ELN: variants seen among roughly 807,000 people sequenced by gnomAD.
The protein encoded by ELN is tropoelastin.
A neutral mutation model predicts 105.8 loss-of-function variants in ELN; 65 were observed. That is an observed-to-expected ratio of 0.61 (90% CI 0.50 to 0.75). The LOEUF is 0.75. ELN is among the 30% of genes least tolerant of loss of function. ELN has a pLI of 0.00. For synonymous variants in ELN, 368 were observed against 389.2 expected, an observed-to-expected ratio of 0.95 and a Z score of 0.64; for missense variants, 882 against 969.4, an observed-to-expected ratio of 0.91 and a Z score of 1.20.
At chr7:74,039,309 A>T (rs748245964) in intron 4 of ELN, among the ~76,000 whole-genome samples, 1 of 152,230 alleles carries the variant, frequency 6.6e-6, no homozygotes, top group Admixed American at 6.5e-5. Flanking sequence ...AAGTCAGAGC[A>T]TCTCCTTCTG....
intron 21 of ELN, 43 bp from the exon 22 acceptor site, chr7:74,057,597 G>C (rs782587986): frequency 2.5e-6 from 4 of 1,610,102 alleles, no homozygotes; most frequent in Non-Finnish European, 3.4e-6. Context: ...GCAGGGAGGG[G>C]TGTGAGAGAT....
rs782238382 is a variant in ELN, at chr7:74,065,979, G to A, written c.2068G>A (p.Gly690Arg). 1.8e-5 allele frequency: 29 copies of A among 1,613,916 alleles called. No homozygotes were observed. The highest frequency in any genetic ancestry group is 4.5e-5 in the East Asian group (2 of 44,882). Residue 690 changes from glycine (G) to arginine (R), a missense_variant, in exon 31 of 33, where the codon GGG (glycine) becomes AGG (arginine). By Grantham distance (125) the Gly-to-Arg change is moderately radical. Transcript: ENST00000252034. ...CCTTGGAGGTGTCCTAGGGGGTGCC[G>A]GGCAGTTCCCACTTGGAGGTAGGGG... Reference protein sequence around the residue: ...AGLGGVLGGAGQFPLGGVAAR... With the variant: ...AGLGGVLGGARQFPLGGVAAR...
In ELN at chr7:74,068,769, C is replaced by CT; in HGVS notation, c.*72dup. The CT allele has an allele frequency of 1.9e-6, 3 of 1,585,994 alleles. No individual in the cohort carries two copies. The South Asian group carries it at 3.3e-5, about 18-fold the overall frequency. Reference sequence around the variant, plus strand: ...TACTGCTTGGTGGAGAATGTAAACCCTTTGTAACCCCATCCCATGCCCCTC... The same window carrying CT: ...TACTGCTTGGTGGAGAATGTAAACCCTTTTGTAACCCCATCCCATGCCCCTC... On this transcript the variant is annotated 3_prime_UTR_variant, in exon 33 of 33. Coordinates refer to ENST00000252034, the MANE Select transcript of ELN (RefSeq NM_000501.4).
chr7:74,043,224 G>C, intron 8 of ELN, 56 bp downstream of exon 8: 1 of 1,552,608 alleles, frequency 6.4e-7, no homozygotes, highest in Non-Finnish European at 8.7e-7. Flanking sequence ...GCAGAGGGCA[G>C]GGAGGAACAG....
In ELN at chr7:74,060,608, G is replaced by C. The variant is rs374622225; in HGVS notation, c.1747+107G>C. ...CCCCCTCATCACCCAGGGGTGCATA[G>C]TAAAATCCTTGTTAGGTTCTCCTAA... On this transcript the variant is annotated intron_variant, in intron 25 of 32. Coordinates refer to ENST00000252034, the MANE Select transcript of ELN (RefSeq NM_000501.4). 174 of 1,583,386 alleles carry C rather than the reference G, an allele frequency of 1.1e-4. No individual in the cohort carries two copies. The highest frequency in any genetic ancestry group is 1.4e-4 in the Non-Finnish European group (167 of 1,164,418).
intron 16 of ELN, 28 bp downstream of exon 16, chr7:74,051,867 T>C (rs201087606): frequency 6.8e-6 from 11 of 1,613,988 alleles, no homozygotes; most frequent in African/African-American, 1.3e-5. Flanking sequence ...AGGGGGCGGG[T>C]GTGTCCTTGA....
At chr7:74,044,036 A>G in intron 9 of ELN, 116 bp downstream of exon 9, 1 of 1,387,974 alleles carries the variant, frequency 7.2e-7, no homozygotes, top group Non-Finnish European at 1.0e-6. Context: ...GCTTGAGGCC[A>G]GGAGTTTGAG....
chr7:74,036,681 C>T, intron 3 of ELN, 97 bp downstream of exon 3: 3 of 1,530,296 alleles, frequency 2.0e-6, no homozygotes, highest in Non-Finnish European at 2.7e-6. Context: ...GAGACCCGAG[C>T]ATCAAGGACT....
intron 32 of ELN, among the ~76,000 whole-genome samples, chr7:74,068,219 C>G (rs1219612120): frequency 2.0e-5 from 3 of 152,172 alleles, no homozygotes; most frequent in African/African-American, 7.2e-5. Flanking sequence ...TCTACTGGGC[C>G]TTGATTTACT....
At chr7:74,041,728 T>C (rs1791253130) in intron 5 of ELN, among the ~76,000 whole-genome samples, 1 of 151,946 alleles carries the variant, frequency 6.6e-6, no homozygotes, top group African/African-American at 2.4e-5. Flanking sequence ...TTGTTGTTGT[T>C]GAGACAGAGT....
Position 74,066,781 on chromosome 7 carries a change from G to C in ELN, c.2131+5G>C, listed in dbSNP as rs2132707980. ...GATTGTCTCCCATTTTCCCAGGTAT[G>C]CCAGGCTCCCTGCCCCTGGGCCCTG... On this transcript the variant is annotated splice_donor_5th_base_variant and intron_variant, in intron 32 of 32. Coordinates refer to ENST00000252034, the MANE Select transcript of ELN (RefSeq NM_000501.4). The C allele has an allele frequency of 6.2e-7, 1 of 1,613,160 alleles. No homozygotes were observed. Among genetic ancestry groups the C allele is most frequent in the African/African-American group, 1.3e-5 (1 of 74,992 alleles).
At chr7:74,045,072 C>A in intron 9 of ELN, 150 bp from the exon 10 acceptor site, 1 of 793,758 alleles carries the variant, frequency 1.3e-6, no homozygotes, top group South Asian at 1.4e-5. Context: ...CAGCACTAAA[C>A]AGGTCCTTTC....
At position 74,042,841 on chromosome 7, in the gene ELN, A is replaced by C. The variant is rs111777143; in HGVS notation, c.325+135A>C. 8 of 1,537,804 alleles carry C rather than the reference A, an allele frequency of 5.2e-6. No homozygotes were observed. The African/African-American group carries it at 1.1e-4, about 21-fold the overall frequency. On this transcript the variant is annotated intron_variant, in intron 6 of 32. Coordinates refer to ENST00000252034, the MANE Select transcript of ELN (RefSeq NM_000501.4). The stretch of plus-strand genomic sequence containing the variant: ...TGTCAGTTGCAATCTACTGGGGCTC[A>C]GGGAGGCAGCTAGCTGTGCCCAGTC...
chr7:74,048,336 G>T, intron 14 of ELN, 135 bp downstream of exon 14: 1 of 1,507,194 alleles, frequency 6.6e-7, no homozygotes, highest in Non-Finnish European at 9.2e-7. Flanking sequence ...ACCTGGAGCA[G>T]GATCCTGGGG....
chr7:74,057,429 G>A (rs781949629), intron 21 of ELN: 2 of 1,521,800 alleles, frequency 1.3e-6, no homozygotes, highest in Non-Finnish European at 1.8e-6. Flanking sequence ...AGGTGCCCCA[G>A]GCGCAGTCCC....
rs1794498571 is a variant in ELN at position 74,053,254 on chromosome 7, A to T, written c.1041A>T (p.Pro347=). The change falls in exon 18 of 33, where the codon CCA becomes CCT. Residue 347 remains proline, a synonymous_variant. Coordinates refer to ENST00000252034, the MANE Select transcript of ELN (RefSeq NM_000501.4). ...PGAGVPGVGV[P]GAGIPVVPGA... ...CTGGCGTTCCAGGTGTTGGTGTCCC[A>T]GGAGCTGGGATTCCAGTTGTCCCAG... The T allele has an allele frequency of 1.9e-6, 3 of 1,613,758 alleles. No individual in the cohort carries two copies. In the Admixed American group the frequency reaches 5.0e-5, roughly 27 times the overall value.
chr7:74,048,621 A>T (rs1554674091), intron 15 of ELN, 65 bp downstream of exon 15: 2 of 1,599,782 alleles, frequency 1.3e-6, no homozygotes, highest in African/African-American at 2.7e-5. Context: ...TCCCATTACT[A>T]TTGACAGCCT....
chr7:74,035,310 AC>A, intron 1 of ELN, 53 bp from the exon 2 acceptor site: 1 of 1,604,288 alleles, frequency 6.2e-7, no homozygotes. Flanking sequence ...TTACTTTTGC[AC>A]CAGCCTAATA....
In ELN at chr7:74,036,552, C is replaced by T; in HGVS notation, c.134-3C>T. ...CTCTCTTTCTCTTTCTCTCCCCCCA[C>T]AGGGGCTGGTCTCGGAGCCCTTGGA... On this transcript the variant is annotated splice_polypyrimidine_tract_variant and splice_region_variant and intron_variant, in intron 2 of 32. Coordinates refer to ENST00000252034, the MANE Select transcript of ELN (RefSeq NM_000501.4). 1 of 1,614,072 alleles carries T rather than the reference C, an allele frequency of 6.2e-7. No individual in the cohort carries two copies. Among genetic ancestry groups the T allele is most frequent in the South Asian group, 1.1e-5 (1 of 91,078 alleles).
Sources: allele counts gnomAD v4.1 joint callset (sites outside exome capture counted in the v4.1 genomes callset), GRCh38; gene constraint gnomAD v4.1.1; transcripts MANE v1.5; gene names NCBI Gene and HGNC (gene_info 2026-07-23, HGNC 2026-07-21).